SORCS3: variants seen among roughly 807,000 people sequenced by gnomAD.
SORCS3 encodes the protein sortilin related VPS10 domain containing receptor 3, also known as VPS10 domain-containing receptor SorCS3.
In SORCS3, 57 loss-of-function variants were observed where a neutral mutation model predicts 146.3. The observed-to-expected ratio is 0.39, with a 90% CI of 0.31 to 0.49. The LOEUF (loss-of-function observed/expected upper bound fraction) is 0.49. SORCS3 is among the 20% of genes least tolerant of loss of function. The pLI is 0.92. For missense variants in SORCS3, 1,341 were observed against 1,575.5 expected (o/e 0.85, Z 2.52); for synonymous variants, 653 against 618.5 (o/e 1.06, Z -0.83).
intron 2 of SORCS3, among the ~76,000 whole-genome samples, chr10:104,899,728 T>C (rs990269565): frequency 2.6e-5 from 4 of 152,210 alleles, no homozygotes; most frequent in African/African-American, 9.6e-5. Context: ...TTGTTTTCTT[T>C]TATCCATCAG....
intron 1 of SORCS3, among the ~76,000 whole-genome samples, chr10:104,661,041 A>T (rs375294172): frequency 6.6e-6 from 1 of 152,314 alleles, no homozygotes; most frequent in East Asian, 1.9e-4. Context: ...AAAATTTGCC[A>T]TTAGAATCAT....
intron 7 of SORCS3, among the ~76,000 whole-genome samples, chr10:105,132,985 T>C (rs1233405621): frequency 6.6e-6 from 1 of 152,228 alleles, no homozygotes; most frequent in Non-Finnish European, 1.5e-5. Context: ...CTAAACTTTA[T>C]TTCTTTCTTG....
intron 10 of SORCS3, among the ~76,000 whole-genome samples, 185 bp from the exon 11 acceptor site, chr10:105,158,707 G>A (rs896817224): frequency 8.5e-5 from 13 of 152,116 alleles, no homozygotes; most frequent in African/African-American, 2.9e-4. Context: ...GGTACTCAGT[G>A]GAGCTTCTAA....
rs1386040915 is a variant in SORCS3, at chr10:105,043,145, C to G, written c.1028+17C>G. ...GTTTTATTGGTAAGCCCTATCCACA[C>G]ACTCATTACTTCTTAGATAAAGAAT... On this transcript the variant is annotated intron_variant, in intron 5 of 26. Transcript: ENST00000369701. 6.2e-7 allele frequency: 1 copy of G among 1,605,338 alleles called. No homozygotes were observed. The highest frequency in any genetic ancestry group is 2.2e-5 in the East Asian group (1 of 44,830).
At chr10:104,798,526 A>T (rs2017585035) in intron 1 of SORCS3, among the ~76,000 whole-genome samples, 1 of 152,212 alleles carries the variant, frequency 6.6e-6, no homozygotes, top group African/African-American at 2.4e-5. Context: ...TAACAGCACT[A>T]AATGCTGATG....
chr10:105,185,497 C>T (rs546828405), intron 14 of SORCS3, among the ~76,000 whole-genome samples: 7 of 152,166 alleles, frequency 4.6e-5, no homozygotes, highest in Non-Finnish European at 8.8e-5. Flanking sequence ...ACTCCTTGTT[C>T]GTTGAAGTTG....
At chr10:104,757,084 T>C (rs2017062288) in intron 1 of SORCS3, among the ~76,000 whole-genome samples, 1 of 150,520 alleles carries the variant, frequency 6.6e-6, no homozygotes, top group Admixed American at 6.6e-5. Context: ...TTTTTTTTTT[T>C]TTTTTTTAGC....
intron 4 of SORCS3, among the ~76,000 whole-genome samples, chr10:105,003,534 C>A (rs1212005450): frequency 6.6e-6 from 1 of 152,094 alleles, no homozygotes; most frequent in African/African-American, 2.4e-5. Flanking sequence ...TTGTGTTGTG[C>A]AATTCGAAGT....
At chr10:105,188,946 C>T (rs2056496354) in intron 14 of SORCS3, among the ~76,000 whole-genome samples, 1 of 152,142 alleles carries the variant, frequency 6.6e-6, no homozygotes, top group Non-Finnish European at 1.5e-5. Context: ...GTGTATGACT[C>T]ACCGGAATCC....
At chr10:104,814,244 T>G (rs1426245047) in intron 1 of SORCS3, among the ~76,000 whole-genome samples, 4 of 152,176 alleles carry the variant, frequency 2.6e-5, no homozygotes, top group Admixed American at 6.5e-5. Flanking sequence ...TCTTCCTACC[T>G]GCAGTGAGTA....
chr10:104,696,612 ATATATAT>A (rs1196981999), intron 1 of SORCS3, among the ~76,000 whole-genome samples: 3 of 82,710 alleles, frequency 3.6e-5, no homozygotes, highest in African/African-American at 1.5e-4. Flanking sequence ...ATTATATATA[ATATATAT>A]TATATACGTA....
At chr10:105,125,685 A>ACACACACACACACACG (rs2055968759) in intron 7 of SORCS3, among the ~76,000 whole-genome samples, 1 of 151,644 alleles carries the variant, frequency 6.6e-6, no homozygotes, top group South Asian at 2.1e-4. Context: ...ATATCCACAC[A>ACACACACACACACACG]CACACACACA....
At chr10:105,260,422 T>G (rs1416741841) in intron 25 of SORCS3, among the ~76,000 whole-genome samples, 1 of 152,206 alleles carries the variant, frequency 6.6e-6, no homozygotes, top group Non-Finnish European at 1.5e-5. Context: ...CAGCATTAAT[T>G]TTTAATTATA....
At chr10:105,191,630 G>A (rs770902162) in intron 14 of SORCS3, among the ~76,000 whole-genome samples, 9 of 152,172 alleles carry the variant, frequency 5.9e-5, no homozygotes, top group South Asian at 4.1e-4. Flanking sequence ...GACTGGTTTC[G>A]TGGAAGACAG....
chr10:105,132,743 A>G (rs140932497), intron 7 of SORCS3, among the ~76,000 whole-genome samples: 4 of 152,320 alleles, frequency 2.6e-5, no homozygotes, highest in Admixed American at 1.3e-4. Context: ...AACCTGTAAA[A>G]TGGAAATCCA....
At chr10:104,927,869 C>T (rs1302611577) in intron 3 of SORCS3, among the ~76,000 whole-genome samples, 3 of 143,706 alleles carry the variant, frequency 2.1e-5, no homozygotes, top group Non-Finnish European at 4.5e-5. Flanking sequence ...CAGAGCAAGA[C>T]TCCGTCTGAA....
chr10:104,922,374 G>A lies in SORCS3; in HGVS notation c.795+6442G>A, dbSNP rs180724958. Among the ~76,000 whole-genome samples, 608 of 152,322 alleles carry A rather than the reference G, an allele frequency of 4.0e-3. 4 individuals carry two copies. The highest frequency in any genetic ancestry group is 4.3e-3 in the Non-Finnish European group (290 of 68,024). ...TATGTTTTGAGGGAGGGAGTTTCCT[G>A]CTTTCAGAAATGTGCAATTCACCTG... On this transcript the variant is annotated intron_variant, in intron 3 of 26. Coordinates refer to ENST00000369701, the MANE Select transcript of SORCS3 (RefSeq NM_014978.3).
intron 2 of SORCS3, among the ~76,000 whole-genome samples, chr10:104,864,286 G>C (rs2018436896): frequency 6.6e-6 from 1 of 152,120 alleles, no homozygotes; most frequent in African/African-American, 2.4e-5. Context: ...GGAACCCATG[G>C]GAGTAGGGGA....
At chr10:105,162,653 G>A (rs1230121238) in intron 11 of SORCS3, among the ~76,000 whole-genome samples, 1 of 152,146 alleles carries the variant, frequency 6.6e-6, no homozygotes, top group Admixed American at 6.5e-5. Flanking sequence ...CACAAATAGA[G>A]TTCACTGTGA....
Sources: gnomAD v4.1 joint callset for allele counts (sites outside exome capture counted in the v4.1 genomes callset) on GRCh38, gnomAD v4.1.1 for gene constraint, MANE v1.5 for transcripts, NCBI Gene and HGNC (gene_info 2026-07-23, HGNC 2026-07-21) for gene names.